KIT: variants seen among roughly 807,000 people sequenced by gnomAD.
KIT encodes the protein KIT proto-oncogene, receptor tyrosine kinase.
Under a neutral mutation model 105.7 loss-of-function variants are expected in KIT, and 16 were observed. That is an observed-to-expected ratio of 0.15 (90% confidence interval 0.10 to 0.23). The LOEUF (loss-of-function observed/expected upper bound fraction) is 0.23, where lower values mean the gene tolerates loss of function less well. Among genes scored for constraint, KIT ranks in the 10% least tolerant of loss-of-function variants. KIT has a pLI of 1.00. For missense variants in KIT, 858 were observed against 1,213.8 expected (o/e 0.71, Z 4.36); for synonymous variants, 438 against 441.1 (o/e 0.99, Z 0.09).
chr4:54,666,541 G>A (rs1717709202), intron 1 of KIT, among the ~76,000 whole-genome samples: 2 of 152,112 alleles, frequency 1.3e-5, no homozygotes, highest in South Asian at 2.1e-4. Context: ...GCCTCCCAAA[G>A]TGCTGGGATT....
chr4:54,711,642 C>A (rs914678000), intron 7 of KIT, among the ~76,000 whole-genome samples: 3 of 151,928 alleles, frequency 2.0e-5, no homozygotes, highest in African/African-American at 7.2e-5. Flanking sequence ...TATATAGAGG[C>A]TGGACGCGGT....
At chr4:54,703,199 T>C (rs1009294234) in intron 4 of KIT, among the ~76,000 whole-genome samples, 2 of 152,218 alleles carry the variant, frequency 1.3e-5, no homozygotes, top group Non-Finnish European at 2.9e-5. Context: ...TTCAGTAGTT[T>C]ACAAGATTCT....
chr4:54,667,044 A>G (rs1261837901), intron 1 of KIT, among the ~76,000 whole-genome samples: 1 of 152,158 alleles, frequency 6.6e-6, no homozygotes, highest in Non-Finnish European at 1.5e-5. Flanking sequence ...AGAAATCCAT[A>G]ATCTATCATT....
In KIT at chr4:54,737,296, C is replaced by A. The variant is rs1560425544; in HGVS notation, c.2802+16C>A. 6.6e-7 allele frequency: 1 copy of A among 1,525,096 alleles called. No homozygotes were observed. Among genetic ancestry groups the A allele is most frequent in the South Asian group, 1.1e-5 (1 of 89,308 alleles). The allele number at this position is 1,525,096 out of a possible 1,614,324, so 94.5% of individuals were successfully genotyped here. A position where few individuals can be genotyped will look rare whatever the true frequency, so the allele number is the denominator to read the frequency against. On this transcript the variant is annotated intron_variant, in intron 20 of 20. Coordinates refer to ENST00000288135, the MANE Select transcript of KIT (RefSeq NM_000222.3). ...CACCAATCATGTGAGTATACCCTGG[C>A]CAGGCATAGAATCCCCCTTCTCCCA...
chr4:54,678,332 CCTTCCTTCCTTCCT>C (rs1560381224), intron 1 of KIT, among the ~76,000 whole-genome samples: 15 of 102,606 alleles, frequency 1.5e-4, no homozygotes, highest in Admixed American at 2.9e-4. Flanking sequence ...TTCCTTCCTT[CCTTCCTTCCTTCCT>C]TCCTTCCCTC....
chr4:54,714,709 G>T (rs1308632300), intron 7 of KIT, among the ~76,000 whole-genome samples: 1 of 152,064 alleles, frequency 6.6e-6, no homozygotes, highest in African/African-American at 2.4e-5. Context: ...TTTCCAGGGC[G>T]GTATTATGCA....
intron 9 of KIT, 125 bp from the exon 10 acceptor site, chr4:54,727,093 T>C (rs925859703): frequency 1.2e-6 from 1 of 806,068 alleles, no homozygotes; most frequent in African/African-American, 1.7e-5. Context: ...GCTCTGAGAC[T>C]CACATAGCTT....
chr4:54,738,575 G>T lies in KIT; in HGVS notation c.*18G>T. ...ATGTCTGAGCAGAATCAGTGTTTGG[G>T]TCACCCCTCCAGGAATGATCTCTTC... On this transcript the variant is annotated 3_prime_UTR_variant, in exon 21 of 21. Transcript: ENST00000288135. 6.2e-7 allele frequency: 1 copy of T among 1,613,454 alleles called. No homozygotes were observed.
intron 7 of KIT, among the ~76,000 whole-genome samples, chr4:54,710,586 T>C (rs1721086074): frequency 9.6e-6 from 1 of 103,764 alleles, no homozygotes; most frequent in Admixed American, 1.1e-4. Context: ...TCACTCTCTC[T>C]CCCTGTCTGG....
At chr4:54,719,455 A>G (rs530641330) in intron 7 of KIT, among the ~76,000 whole-genome samples, 1 of 152,232 alleles carries the variant, frequency 6.6e-6, no homozygotes, top group Non-Finnish European at 1.5e-5. Flanking sequence ...TAATTGCATG[A>G]GCAATAAATT....
chr4:54,717,446 C>G (rs1245425802), intron 7 of KIT, among the ~76,000 whole-genome samples: 2 of 152,066 alleles, frequency 1.3e-5, no homozygotes, highest in Non-Finnish European at 2.9e-5. Flanking sequence ...TGGTTGCCCC[C>G]GTTTGTGTGG....
intron 1 of KIT, among the ~76,000 whole-genome samples, chr4:54,664,887 C>T (rs942641185): frequency 2.2e-5 from 3 of 134,596 alleles, no homozygotes; most frequent in East Asian, 2.0e-4. Context: ...CACACCTGGC[C>T]TGTTTTTTTT....
At chr4:54,659,279 G>A (rs1447962324) in intron 1 of KIT, among the ~76,000 whole-genome samples, 1 of 152,174 alleles carries the variant, frequency 6.6e-6, no homozygotes, top group African/African-American at 2.4e-5. Flanking sequence ...GCAGGTTGCT[G>A]GAGCCCCTTG....
At chr4:54,722,713 T>C (rs1201512236) in intron 7 of KIT, among the ~76,000 whole-genome samples, 1 of 151,744 alleles carries the variant, frequency 6.6e-6, no homozygotes, top group Non-Finnish European at 1.5e-5. Flanking sequence ...ACTTCAAAAA[T>C]TAGAAATTCT....
intron 16 of KIT, among the ~76,000 whole-genome samples, chr4:54,732,380 G>T (rs1722666582): frequency 6.6e-6 from 1 of 152,216 alleles, no homozygotes; most frequent in Admixed American, 6.5e-5. Flanking sequence ...GTGAAGCATA[G>T]ACTTGAGTTT....
intron 2 of KIT, among the ~76,000 whole-genome samples, chr4:54,696,794 C>A (rs1720099520): frequency 6.6e-6 from 1 of 152,240 alleles, no homozygotes; most frequent in African/African-American, 2.4e-5. Flanking sequence ...GTTGTCCTTT[C>A]CGAAGTAGGT....
chr4:54,659,165 G>A (rs1486456360), intron 1 of KIT, among the ~76,000 whole-genome samples: 1 of 152,218 alleles, frequency 6.6e-6, no homozygotes, highest in Non-Finnish European at 1.5e-5. Context: ...TGGGGGTGGG[G>A]TGGGAGATGG....
rs1720229390 is a variant in KIT, at chr4:54,698,429, G to T, written c.483G>T (p.Arg161Ser). ...CQGKPLPKDL[R>S]FIPDPKAGIM... ...GGAAGCCTCTTCCCAAGGACTTGAG[G>T]TTTATTCCTGACCCCAAGGCGGGCA... The change falls in exon 3 of 21, where the codon AGG (arginine) becomes AGT (serine). Residue 161 changes from arginine (R) to serine (S), a missense_variant. Physicochemically the swap from Arg to Ser is moderately radical, Grantham distance 110. Around this residue, in one of 7 missense-constraint regions of KIT, gnomAD observed 401 missense variants for 601.0 expected, o/e 0.67. Transcript: ENST00000288135. 6.2e-7 allele frequency: 1 copy of T among 1,614,062 alleles called. No homozygotes were observed. Among genetic ancestry groups the T allele is most frequent in the Non-Finnish European group, 8.5e-7 (1 of 1,180,048 alleles).
Position 54,739,232 on chromosome 4 carries a change from C to G in KIT, c.*675C>G, listed in dbSNP as rs535289870. 2 of 261,790 alleles carry G rather than the reference C, an allele frequency of 7.6e-6. No homozygotes were observed. The highest frequency in any genetic ancestry group is 1.5e-5 in the Non-Finnish European group (2 of 137,640). 16.2% of individuals were successfully genotyped at this position (261,790 alleles called of 1,614,324 possible). ...CCTCCCTAGCCAGCACTTGTATATA[C>G]GCATCTATAAATTGTCCGTGTTCAT... On this transcript the variant is annotated 3_prime_UTR_variant, in exon 21 of 21. Coordinates refer to ENST00000288135, the MANE Select transcript of KIT (RefSeq NM_000222.3).
Sources: gnomAD v4.1 joint callset for allele counts (sites outside exome capture counted in the v4.1 genomes callset) on GRCh38, gnomAD v4.1.1 for gene constraint, gnomAD v4.1.1 regional missense constraint, MANE v1.5 for transcripts, NCBI Gene and HGNC (gene_info 2026-07-23, HGNC 2026-07-21) for gene names.